Variants in CARD8 observed in about 807,000 individuals in gnomAD.
CARD8 encodes caspase recruitment domain-containing protein 8.
Under a neutral mutation model 53.2 loss-of-function variants are expected in CARD8, and 38 were observed. The ratio of observed to expected loss-of-function variants is 0.71; its 90% CI spans 0.55 to 0.94. The LOEUF (loss-of-function observed/expected upper bound fraction) is 0.94. Among genes scored for constraint, CARD8 ranks in the 40% least tolerant of loss-of-function variants. The probability of loss-of-function intolerance (pLI) is 0.00; values close to 1 mark genes in which losing one functional copy is unlikely to be tolerated. For synonymous variants in CARD8, 245 were observed against 244.9 expected (o/e 1.00, Z 0.00); for missense variants, 561 against 655.5 (o/e 0.86, Z 1.57).
At chr19:48,255,931 C>T (rs62129827), upstream of CARD8, 28,431 of 152,100 alleles carry the variant, frequency 0.19, 2,776 homozygotes, top group East Asian at 0.33. Context: ...TTTCTGAGAA[C>T]TGAGGGAAGT....
intron 10 of CARD8, among the ~76,000 whole-genome samples, chr19:48,222,546 G>A (rs575942432): frequency 1.7e-4 from 26 of 152,106 alleles, no homozygotes; most frequent in East Asian, 5.8e-4. Context: ...AAAATTAGCC[G>A]GGCGTGGTGG....
rs941373740 is a variant in CARD8 at position 48,209,947 on chromosome 19, G to A, written c.*1763C>T. On this transcript the variant is annotated 3_prime_UTR_variant, in exon 14 of 14. Coordinates refer to ENST00000651546, the MANE Select transcript of CARD8 (RefSeq NM_001184900.3). The stretch of plus-strand genomic sequence containing the variant: ...TATTTCCTATAAAGATGAAAATCAG[G>A]CTAATAAAAAGTATTTTTAGAAATT... The A allele has an allele frequency of 8.5e-5, 13 of 152,196 alleles. No homozygotes were observed. The highest frequency in any genetic ancestry group is 1.6e-4 in the Non-Finnish European group (11 of 68,010). 9.4% of individuals were successfully genotyped at this position (152,196 alleles called of 1,614,324 possible). A position where few individuals can be genotyped will look rare whatever the true frequency, so the allele number is the denominator to read the frequency against.
intron 10 of CARD8, chr19:48,223,667 A>G: frequency 3.1e-6 from 1 of 321,246 alleles, no homozygotes; most frequent in Non-Finnish European, 6.1e-6. Context: ...TCCATATCAC[A>G]TTGCTAGGGT....
intron 8 of CARD8, 122 bp downstream of exon 8, chr19:48,231,538 T>C (rs1041994640): frequency 1.7e-5 from 16 of 957,678 alleles, no homozygotes; most frequent in East Asian, 1.5e-4. Context: ...CTCCTGACCT[T>C]GTGATCCGCC....
Position 48,209,586 on chromosome 19 carries a change from A to G in CARD8, c.*2124T>C, listed in dbSNP as rs980248399. The G allele has an allele frequency of 6.6e-6, 1 of 152,220 alleles. No individual in the cohort carries two copies. The highest frequency in any genetic ancestry group is 1.5e-5 in the Non-Finnish European group (1 of 68,034). 9.4% of individuals were successfully genotyped at this position (152,220 alleles called of 1,614,324 possible). On this transcript the variant is annotated 3_prime_UTR_variant, in exon 14 of 14. Coordinates refer to ENST00000651546, the MANE Select transcript of CARD8 (RefSeq NM_001184900.3). ...TATCAGGGACATTTAGGAAAACATA[A>G]AAGTCTAACATTTCCACAATAAGAG...
intron 10 of CARD8, among the ~76,000 whole-genome samples, chr19:48,222,801 GAATT>G (rs1177806562): frequency 6.6e-6 from 1 of 152,076 alleles, no homozygotes; most frequent in Admixed American, 6.5e-5. Flanking sequence ...AGACTTTGTA[GAATT>G]AATGAGCAAG....
In CARD8 at chr19:48,211,880, T is replaced by TAAGA. The variant is rs1269018291; in HGVS notation, c.1440_1443dup (p.Thr482SerfsTer3). On this transcript the variant is annotated frameshift_variant, in exon 14 of 14. Transcript: ENST00000651546. LOFTEE classifies it low-confidence loss of function (END_TRUNC). Reference sequence around the variant, plus strand: ...TCCACCAGCTCCTTCTCATTCTCAGTAAGAACCTCATTGTCTTGGAGATCA... The same window carrying TAAGA: ...TCCACCAGCTCCTTCTCATTCTCAGTAAGAAAGAACCTCATTGTCTTGGAGATCA... 12 of 1,614,120 alleles carry TAAGA rather than the reference T, an allele frequency of 7.4e-6. No homozygotes were observed. Among genetic ancestry groups the TAAGA allele is most frequent in the Non-Finnish European group, 8.5e-6 (10 of 1,180,000 alleles).
In CARD8 at chr19:48,241,837, G is replaced by A. The variant is rs139018837; in HGVS notation, c.-43-774C>T. ...TAGATTTTTAAAATAATGGCTTTAT[G>A]GATATATAGTTCACAAACCACACAA... is the stretch of plus-strand genomic sequence containing the variant. On this transcript the variant is annotated intron_variant, in intron 3 of 13. Coordinates refer to ENST00000651546, the MANE Select transcript of CARD8 (RefSeq NM_001184900.3). Among the ~76,000 whole-genome samples, 830 of 152,230 alleles carry A rather than the reference G, an allele frequency of 5.5e-3. 6 individuals carry two copies. Among genetic ancestry groups the A allele is most frequent in the African/African-American group, 0.019 (772 of 41,524 alleles).
intron 1 of CARD8, among the ~76,000 whole-genome samples, chr19:48,251,890 C>T (rs2147125407): frequency 6.6e-6 from 1 of 152,274 alleles, no homozygotes; most frequent in African/African-American, 2.4e-5. Context: ...CCTCTCTTCC[C>T]AGCCATCTCC....
chr19:48,214,561 C>G lies in CARD8; in HGVS notation c.1348+779G>C, dbSNP rs142915871. Among the ~76,000 whole-genome samples the G allele has an allele frequency of 4.7e-3, 718 of 152,238 alleles. 6 individuals carry two copies. The highest frequency in any genetic ancestry group is 0.016 in the African/African-American group (672 of 41,526). ...GACTCCAAGAAACACACTGCGCATG[C>G]TCCCCTTCCAAGCCCCTGCGGGCCA... On this transcript the variant is annotated intron_variant, in intron 13 of 13. Coordinates refer to ENST00000651546, the MANE Select transcript of CARD8 (RefSeq NM_001184900.3).
chr19:48,234,243 T>C (rs1203649693), intron 6 of CARD8, 160 bp downstream of exon 6: 6 of 684,536 alleles, frequency 8.8e-6, no homozygotes, highest in Non-Finnish European at 1.4e-5. Flanking sequence ...TTGCTTAAGG[T>C]TTGTTTCAAA....
chr19:48,224,742 G>A (rs2041382277), intron 10 of CARD8, among the ~76,000 whole-genome samples: 1 of 147,506 alleles, frequency 6.8e-6, no homozygotes, highest in African/African-American at 2.5e-5. Flanking sequence ...ACCTACAACA[G>A]GCCTCACCTT....
At chr19:48,238,611 A>G in intron 4 of CARD8, 79 bp from the exon 5 acceptor site, 1 of 1,347,416 alleles carries the variant, frequency 7.4e-7, no homozygotes, top group Non-Finnish European at 1.0e-6. Flanking sequence ...ACTGTGATGT[A>G]GCGAAAGTAG....
chr19:48,250,050 A>G (rs531285426), intron 1 of CARD8, among the ~76,000 whole-genome samples: 1 of 152,336 alleles, frequency 6.6e-6, no homozygotes, highest in South Asian at 2.1e-4. Context: ...TAATTTTTAT[A>G]CCAATGTTTG....
chr19:48,233,644 G>C, intron 6 of CARD8: 1 of 299,958 alleles, frequency 3.3e-6, no homozygotes, highest in East Asian at 9.3e-5. Context: ...GAGGGGTTTA[G>C]AAAGTGGGAG....
At chr19:48,254,342 G>A (rs576306872) in intron 1 of CARD8, among the ~76,000 whole-genome samples, 1 of 152,304 alleles carries the variant, frequency 6.6e-6, no homozygotes, top group South Asian at 2.1e-4. Context: ...ACCACTTAGT[G>A]ACAAAAATTC....
intron 7 of CARD8, chr19:48,232,163 G>A: frequency 1.8e-6 from 1 of 560,392 alleles, no homozygotes; most frequent in Non-Finnish European, 3.2e-6. Context: ...GTCCAGGTCA[G>A]AAAAGTATCG....
intron 3 of CARD8, among the ~76,000 whole-genome samples, chr19:48,246,200 C>T (rs112306697): frequency 0.043 from 6,537 of 152,150 alleles, 260 homozygotes; most frequent in African/African-American, 0.1. Flanking sequence ...ATTTGGATTT[C>T]TTTGATGTTT....
intron 10 of CARD8, chr19:48,223,964 A>C: frequency 2.2e-6 from 1 of 447,864 alleles, no homozygotes; most frequent in South Asian, 1.6e-5. Context: ...GCAACCCCCA[A>C]ATGCAATTTT....
Sources: allele counts gnomAD v4.1 joint callset (sites outside exome capture counted in the v4.1 genomes callset), GRCh38; gene constraint gnomAD v4.1.1; transcripts MANE v1.5; gene names NCBI Gene and HGNC (gene_info 2026-07-23, HGNC 2026-07-21).